Variants in NRCAM observed in about 807,000 individuals in gnomAD.
The protein encoded by NRCAM is neuronal cell adhesion molecule, also known as NgCAM-related cell adhesion molecule.
In NRCAM, 83 loss-of-function variants were observed where a neutral mutation model predicts 156.5. The observed-to-expected ratio is 0.53, with a 90% CI of 0.44 to 0.64. The LOEUF is 0.64. NRCAM is among the 30% of genes least tolerant of loss of function. NRCAM has a pLI of 0.00. For synonymous variants in NRCAM, 538 were observed against 563.9 expected, an observed-to-expected ratio of 0.95 and a Z score of 0.65; for missense variants, 1,417 against 1,597.3, an observed-to-expected ratio of 0.89 and a Z score of 1.92.
intron 1 of NRCAM, among the ~76,000 whole-genome samples, chr7:108,421,954 A>G (rs1810510622): frequency 6.6e-6 from 1 of 152,200 alleles, no homozygotes; most frequent in Non-Finnish European, 1.5e-5. Flanking sequence ...AACCTTTTCC[A>G]CTAAAACGAA....
chr7:108,315,240 T>C (rs1169546144), intron 2 of NRCAM, among the ~76,000 whole-genome samples: 1 of 152,176 alleles, frequency 6.6e-6, no homozygotes, highest in Admixed American at 6.5e-5. Flanking sequence ...TGACTAGTAG[T>C]AAAATCATAC....
intron 1 of NRCAM, among the ~76,000 whole-genome samples, chr7:108,442,007 T>C (rs1469855835): frequency 1.3e-5 from 2 of 152,244 alleles, no homozygotes; most frequent in Non-Finnish European, 2.9e-5. Context: ...GCAGGGATTA[T>C]TGTTATTTAT....
intron 1 of NRCAM, among the ~76,000 whole-genome samples, chr7:108,417,904 C>T (rs1283915986): frequency 2.0e-5 from 3 of 152,196 alleles, no homozygotes; most frequent in African/African-American, 2.4e-5. Context: ...ACAATTTGTA[C>T]ACAAAGTGGG....
intron 4 of NRCAM, among the ~76,000 whole-genome samples, chr7:108,238,186 A>G (rs867193914): frequency 8.5e-5 from 13 of 152,210 alleles, no homozygotes; most frequent in African/African-American, 3.1e-4. Flanking sequence ...CACTGTGCAT[A>G]TGGTAATAAT....
intron 2 of NRCAM, among the ~76,000 whole-genome samples, chr7:108,354,894 CAAA>C (rs200161196): frequency 8.0e-6 from 1 of 125,716 alleles, no homozygotes; most frequent in Admixed American, 8.1e-5. Flanking sequence ...AACTCTGTCT[CAAA>C]AAAAAAAAAG....
At position 108,404,572 on chromosome 7, in the gene NRCAM, C is replaced by A. The variant is rs1322576062; in HGVS notation, c.-331-4979G>T. On this transcript the variant is annotated intron_variant, in intron 1 of 32. Transcript: ENST00000379028. ...CTACAAGTATTTTGTAATTCTTAGT[C>A]CACATCCACTGACCCATATGCAGGC... Among the ~76,000 whole-genome samples the A allele has an allele frequency of 2.0e-5, 3 of 152,144 alleles. No individual in the cohort carries two copies. The East Asian group carries it at 5.8e-4, about 29-fold the overall frequency.
At chr7:108,280,250 A>G (rs982097568) in intron 3 of NRCAM, among the ~76,000 whole-genome samples, 1 of 152,262 alleles carries the variant, frequency 6.6e-6, no homozygotes, top group Admixed American at 6.5e-5. Flanking sequence ...AGCGCTAGCA[A>G]TTCTGGCTCC....
At chr7:108,285,075 G>A (rs1563106825) in intron 3 of NRCAM, among the ~76,000 whole-genome samples, 3 of 152,222 alleles carry the variant, frequency 2.0e-5, no homozygotes, top group Non-Finnish European at 1.5e-5. Context: ...TGCAATTGAT[G>A]GACAGTGTTC....
chr7:108,185,456 C>A (rs2153383333), intron 20 of NRCAM, among the ~76,000 whole-genome samples: 1 of 152,278 alleles, frequency 6.6e-6, no homozygotes, highest in South Asian at 2.1e-4. Context: ...TGACTGTCAG[C>A]CAAGTGCGGT....
intron 1 of NRCAM, among the ~76,000 whole-genome samples, chr7:108,455,703 AAG>A (rs1856406139): frequency 1.3e-5 from 2 of 152,154 alleles, no homozygotes; most frequent in African/African-American, 2.4e-5. Context: ...CTTCCGAACA[AAG>A]CCCACGCCCA....
intron 7 of NRCAM, among the ~76,000 whole-genome samples, chr7:108,231,386 C>T (rs2153733824): frequency 6.6e-6 from 1 of 152,282 alleles, no homozygotes; most frequent in East Asian, 1.9e-4. Context: ...AGTGATTCCA[C>T]AGCTGAGAAT....
intron 2 of NRCAM, among the ~76,000 whole-genome samples, chr7:108,394,225 C>G (rs1367335680): frequency 1.3e-5 from 2 of 152,170 alleles, no homozygotes; most frequent in Non-Finnish European, 2.9e-5. Flanking sequence ...GAGCCATCAG[C>G]TGTCAACACT....
chr7:108,231,174 TTCTC>T, intron 7 of NRCAM, 21 bp from the exon 8 acceptor site: 1 of 1,548,220 alleles, frequency 6.5e-7, no homozygotes, highest in Non-Finnish European at 8.7e-7. Flanking sequence ...AAAAAATAAC[TTCTC>T]AGTTATTTCT....
intron 1 of NRCAM, among the ~76,000 whole-genome samples, chr7:108,429,001 A>C (rs565706292): frequency 6.6e-6 from 1 of 152,040 alleles, no homozygotes; most frequent in Admixed American, 6.5e-5. Flanking sequence ...ATTTCTCCAG[A>C]CCATAAAGAG....
intron 3 of NRCAM, among the ~76,000 whole-genome samples, chr7:108,284,862 T>C (rs550547915): frequency 6.6e-6 from 1 of 152,238 alleles, no homozygotes; most frequent in Non-Finnish European, 1.5e-5. Context: ...ACACTTCTTG[T>C]TCTGCTTTGT....
At chr7:108,398,796 T>C (rs540614778) in intron 2 of NRCAM, among the ~76,000 whole-genome samples, 2 of 152,342 alleles carry the variant, frequency 1.3e-5, no homozygotes, top group South Asian at 4.1e-4. Context: ...GTCATATCTA[T>C]TTATGTGCCT....
At chr7:108,261,684 G>A (rs1186585519) in intron 3 of NRCAM, among the ~76,000 whole-genome samples, 1 of 152,190 alleles carries the variant, frequency 6.6e-6, no homozygotes, top group East Asian at 1.9e-4. Context: ...AGCCACAGCT[G>A]TAGACACCTG....
chr7:108,434,378 C>A (rs1294443083), intron 1 of NRCAM, among the ~76,000 whole-genome samples: 2 of 152,146 alleles, frequency 1.3e-5, no homozygotes, highest in Non-Finnish European at 2.9e-5. Flanking sequence ...AAACAAAAAA[C>A]TAGTGGATCA....
intron 3 of NRCAM, among the ~76,000 whole-genome samples, chr7:108,253,567 T>C (rs1213849431): frequency 6.6e-6 from 1 of 152,216 alleles, no homozygotes; most frequent in Non-Finnish European, 1.5e-5. Context: ...GGGGCATAAA[T>C]GCTGTTATTG....
Sources: allele counts gnomAD v4.1 joint callset (sites outside exome capture counted in the v4.1 genomes callset), GRCh38; gene constraint gnomAD v4.1.1; transcripts MANE v1.5; gene names NCBI Gene and HGNC (gene_info 2026-07-23, HGNC 2026-07-21).